Variants in FNBP1 observed in about 807,000 individuals in gnomAD.
FNBP1 encodes the protein formin-binding protein 1.
A neutral mutation model predicts 90.6 loss-of-function variants in FNBP1; 26 were observed. That is an observed-to-expected ratio of 0.29 (90% CI 0.21 to 0.40). The LOEUF is 0.40. Among genes scored for constraint, FNBP1 ranks in the 10% least tolerant of loss-of-function variants. The probability of loss-of-function intolerance (pLI) is 1.00; values close to 1 mark genes in which losing one functional copy is unlikely to be tolerated. For missense variants in FNBP1, 635 were observed against 768.0 expected (o/e 0.83, Z 2.05); for synonymous variants, 260 against 265.2 (o/e 0.98, Z 0.19).
intron 1 of FNBP1, among the ~76,000 whole-genome samples, chr9:130,015,906 C>T (rs1190232025): frequency 6.6e-6 from 1 of 152,150 alleles, no homozygotes; most frequent in East Asian, 1.9e-4. Flanking sequence ...AACTCCTGGG[C>T]TCAAGCAATG....
intron 4 of FNBP1, among the ~76,000 whole-genome samples, chr9:129,977,718 C>T (rs1429456311): frequency 6.6e-6 from 1 of 152,100 alleles, no homozygotes; most frequent in Non-Finnish European, 1.5e-5. Flanking sequence ...TCGCGAACTC[C>T]TTAGCTCAGG....
intron 13 of FNBP1, among the ~76,000 whole-genome samples, chr9:129,902,005 G>A (rs762918198): frequency 6.6e-6 from 1 of 152,176 alleles, no homozygotes; most frequent in Non-Finnish European, 1.5e-5. Flanking sequence ...ATTTTTCCAT[G>A]CTCTGTAGTC....
At chr9:129,940,588 A>G (rs1358089265) in intron 6 of FNBP1, among the ~76,000 whole-genome samples, 2 of 148,540 alleles carry the variant, frequency 1.3e-5, no homozygotes, top group African/African-American at 2.5e-5. Context: ...ATAATATAGG[A>G]AGAGTTAATG....
At chr9:129,947,627 CTT>C (rs1001497590) in intron 6 of FNBP1, among the ~76,000 whole-genome samples, 3 of 143,462 alleles carry the variant, frequency 2.1e-5, no homozygotes. Context: ...CAGTGAGTTA[CTT>C]TTTTTTTTTT....
At chr9:129,997,709 T>C (rs958429654) in intron 1 of FNBP1, among the ~76,000 whole-genome samples, 1 of 152,106 alleles carries the variant, frequency 6.6e-6, no homozygotes, top group Non-Finnish European at 1.5e-5. Flanking sequence ...TATCAGGGCA[T>C]CATGGCACAC....
intron 6 of FNBP1, among the ~76,000 whole-genome samples, chr9:129,937,847 T>C (rs1027592489): frequency 6.6e-6 from 1 of 151,816 alleles, no homozygotes; most frequent in Admixed American, 6.6e-5. Flanking sequence ...AAATATGCTT[T>C]ATATAACCTA....
chr9:129,991,103 T>C lies in FNBP1; in HGVS notation c.140+3740A>G, dbSNP rs144121180. Among the ~76,000 whole-genome samples, 157 of 151,420 alleles carry C rather than the reference T, an allele frequency of 1.0e-3. 1 individual carries two copies. Among genetic ancestry groups the C allele is most frequent in the African/African-American group, 3.2e-3 (130 of 41,258 alleles). On this transcript the variant is annotated intron_variant, in intron 2 of 16. Transcript: ENST00000446176. ...CGCCCACCACCACGCCTGGCTAATG[T>C]TTTTGTATTTTTAGTAGAGACAGGG...
rs1245772418 is a variant in FNBP1 at position 129,966,432 on chromosome 9, A to C, written c.346-7879T>G. On this transcript the variant is annotated intron_variant, in intron 4 of 16. Coordinates refer to ENST00000446176, the MANE Select transcript of FNBP1 (RefSeq NM_015033.3). This position sits in a 1 kb window ranked among gnomAD's most constrained non-coding sequence, Gnocchi z 4.3. ...CCACGGTAAGCATGTTGGAAGATTT[A>C]AGAAAGGAAGTGACAGCCGGATGCA... Among the ~76,000 whole-genome samples, 1 of 152,152 alleles carries C rather than the reference A, an allele frequency of 6.6e-6. No homozygotes were observed. The highest frequency in any genetic ancestry group is 1.9e-4 in the East Asian group (1 of 5,188).
chr9:130,051,552 A>G, the FNBP1 span, among the ~76,000 whole-genome samples: 1 of 152,242 alleles, frequency 6.6e-6, no homozygotes, highest in Non-Finnish European at 1.5e-5. Context: ...AGGGTGGCTT[A>G]CGCCTGTAAT....
chr9:129,936,380 C>T (rs566339154), intron 6 of FNBP1: 1 of 152,356 alleles, frequency 6.6e-6, no homozygotes, highest in South Asian at 2.1e-4. Flanking sequence ...GAGCAGCAAC[C>T]TGCAGCAGCT....
At chr9:129,951,577 G>C (rs986632460) in intron 6 of FNBP1, among the ~76,000 whole-genome samples, 2 of 151,814 alleles carry the variant, frequency 1.3e-5, no homozygotes, top group African/African-American at 4.8e-5. Flanking sequence ...GAGTAGGTGG[G>C]ACTCCAAGGG....
intron 5 of FNBP1, 98 bp downstream of exon 5, chr9:129,958,393 T>C (rs571745472): frequency 2.2e-4 from 185 of 859,020 alleles, no homozygotes; most frequent in Non-Finnish European, 3.1e-4. Context: ...GATCGCACCA[T>C]TGCACTCCAA....
At chr9:130,038,325 C>T (rs920817572) in intron 1 of FNBP1, among the ~76,000 whole-genome samples, 1 of 144,928 alleles carries the variant, frequency 6.9e-6, no homozygotes, top group Admixed American at 6.9e-5. Context: ...ACCCACTGCA[C>T]TCCAGCCTGG....
rs775287536 is a variant in FNBP1, at chr9:129,923,897, C to T, written c.1117G>A (p.Glu373Lys). 23 of 1,590,394 alleles carry T rather than the reference C, an allele frequency of 1.4e-5. No homozygotes were observed. The highest frequency in any genetic ancestry group is 1.1e-4 in the African/African-American group (8 of 72,330). Residue 373 changes from glutamate to lysine, a missense_variant, in exon 10 of 17, where the codon GAG becomes AAG. Coordinates refer to ENST00000446176, the MANE Select transcript of FNBP1 (RefSeq NM_015033.3). ...ATTTTGGGTTTGGAGGTCATGAACT[C>T]GTTGAAGCGATGGGAGAGGGGTTCC... ...QKEPLSHRFN[E>K]FMTSKPKIHC...
intron 13 of FNBP1, among the ~76,000 whole-genome samples, chr9:129,901,253 A>G (rs982118446): frequency 3.3e-5 from 5 of 152,038 alleles, no homozygotes; most frequent in Non-Finnish European, 5.9e-5. Flanking sequence ...TAAGAGTACA[A>G]AAATTAGCTG....
intron 1 of FNBP1, among the ~76,000 whole-genome samples, chr9:130,008,470 AT>A (rs2131613006): frequency 6.6e-6 from 1 of 152,328 alleles, no homozygotes; most frequent in African/African-American, 2.4e-5. Context: ...AAGTTATAAA[AT>A]TAGTCTTAGA....
At position 129,924,945 on chromosome 9, in the gene FNBP1, G is replaced by A. The variant is rs78318247; in HGVS notation, c.987+15C>T. Reference sequence around the variant, plus strand: ...CCACACCTTAGAAAACTCATTTCACGCCAACCATCAGTACCTTATTTTTTT... The same window carrying A: ...CCACACCTTAGAAAACTCATTTCACACCAACCATCAGTACCTTATTTTTTT... On this transcript the variant is annotated intron_variant, in intron 9 of 16. Transcript: ENST00000446176. 6.5e-5 allele frequency: 104 copies of A among 1,597,574 alleles called. No homozygotes were observed. The highest frequency in any genetic ancestry group is 5.0e-4 in the Middle Eastern group (3 of 6,048).
intron 11 of FNBP1, among the ~76,000 whole-genome samples, chr9:129,911,804 C>T (rs551832481): frequency 5.9e-5 from 9 of 151,928 alleles, no homozygotes; most frequent in South Asian, 2.1e-4. Flanking sequence ...TGGTAGCACC[C>T]GCCTGTAGTT....
intron 4 of FNBP1, among the ~76,000 whole-genome samples, chr9:129,969,640 C>T (rs564029675): frequency 7.3e-4 from 111 of 152,026 alleles, no homozygotes; most frequent in African/African-American, 2.6e-3. Flanking sequence ...CCAGGCACAA[C>T]GGCTCACTCC....
Sources: gnomAD v4.1 joint callset for allele counts (sites outside exome capture counted in the v4.1 genomes callset) on GRCh38, gnomAD v4.1.1 for gene constraint, Gnocchi (gnomAD v3.1) non-coding constraint, MANE v1.5 for transcripts, NCBI Gene and HGNC (gene_info 2026-07-23, HGNC 2026-07-21) for gene names.